FRK: variants seen among roughly 807,000 people sequenced by gnomAD.
The protein encoded by FRK is fyn related Src family tyrosine kinase, also known as tyrosine-protein kinase FRK.
Under a neutral mutation model 56.4 loss-of-function variants are expected in FRK, and 51 were observed. The ratio of observed to expected loss-of-function variants is 0.90; its 90% confidence interval spans 0.72 to 1.14. The LOEUF (loss-of-function observed/expected upper bound fraction) is 1.14. Among genes scored for constraint, FRK ranks in the 50% most tolerant of loss-of-function variants. The pLI, the probability that FRK is intolerant of heterozygous loss-of-function variation, is 0.00. For missense variants in FRK, 570 were observed against 601.4 expected (o/e 0.95, Z 0.55); for synonymous variants, 245 against 217.9 (o/e 1.12, Z -1.10).
chr6:116,062,893 T>C (rs907048363), upstream of FRK, among the ~76,000 whole-genome samples: 1 of 152,158 alleles, frequency 6.6e-6, no homozygotes, highest in African/African-American at 2.4e-5. Flanking sequence ...TTCCACAAAC[T>C]TTTTTTAAAG....
intron 1 of FRK, chr6:116,039,395 C>A (rs1327605784): frequency 6.4e-7 from 1 of 1,566,278 alleles, no homozygotes; most frequent in African/African-American, 1.4e-5. Context: ...ATGGGGGCAA[C>A]CTGCAAGGAG....
chr6:116,082,108 G>A, the FRK span, among the ~76,000 whole-genome samples: 3 of 152,148 alleles, frequency 2.0e-5, no homozygotes, highest in African/African-American at 7.2e-5. Flanking sequence ...ATTCTAGGCA[G>A]AGTGATAAAC....
rs748652398 is a variant in FRK at position 116,003,870 on chromosome 6, C to T, written c.466+7G>A. On this transcript the variant is annotated splice_region_variant and intron_variant, in intron 2 of 7. Transcript: ENST00000606080. Reference sequence around the variant, plus strand: ...TCATATTGAATGACACAAAACAATACCCTTACCTGAAAGAGAGAATTCTCC... The same window carrying T: ...TCATATTGAATGACACAAAACAATATCCTTACCTGAAAGAGAGAATTCTCC... 6.2e-7 allele frequency: 1 copy of T among 1,613,108 alleles called. No individual in the cohort carries two copies. Among genetic ancestry groups the T allele is most frequent in the African/African-American group, 1.3e-5 (1 of 74,872 alleles).
At chr6:115,948,212 G>A (rs768972186) in intron 5 of FRK, among the ~76,000 whole-genome samples, 10 of 152,158 alleles carry the variant, frequency 6.6e-5, no homozygotes, top group Non-Finnish European at 1.3e-4. Flanking sequence ...GGAGCAAAGG[G>A]CATCTTGCAG....
At position 115,937,326 on chromosome 6, in the gene FRK, G is replaced by A. The variant is rs1772069326; in HGVS notation, c.*5088C>T. The A allele has an allele frequency of 6.6e-6, 1 of 152,160 alleles. No individual in the cohort carries two copies. The highest frequency in any genetic ancestry group is 2.1e-4 in the South Asian group (1 of 4,824). 9.4% of individuals were successfully genotyped at this position (152,160 alleles called of 1,614,324 possible). On this transcript the variant is annotated 3_prime_UTR_variant, in exon 8 of 8. Coordinates refer to ENST00000606080, the MANE Select transcript of FRK (RefSeq NM_002031.3). ...TGCCCTAAAAGAGCTCCTGAAGGAA[G>A]CACTAAACATAGAGAGGAACAATCA...
At chr6:116,087,760 G>C in the FRK span, among the ~76,000 whole-genome samples, 1 of 152,330 alleles carries the variant, frequency 6.6e-6, no homozygotes, top group Non-Finnish European at 1.5e-5. Context: ...GCTTTTACAA[G>C]AATGGCCACT....
At chr6:116,097,083 G>A in the FRK span, among the ~76,000 whole-genome samples, 2 of 152,048 alleles carry the variant, frequency 1.3e-5, no homozygotes, top group African/African-American at 4.8e-5. Context: ...AAAATCAAGA[G>A]AGTAGAAAAT....
chr6:115,958,711 GAAAGAAAGA>G lies in FRK; in HGVS notation c.800-2110_800-2102del, dbSNP rs1562257476. On this transcript the variant is annotated intron_variant, in intron 4 of 7. Transcript: ENST00000606080. ...AAGAAAGAAAGAAAGAAAGAAGAAA[GAAAGAAAGA>G]AAGAAAGAAAGAAAGAAAGAAAGAA... Among the ~76,000 whole-genome samples the G allele has an allele frequency of 8.5e-4, 8 of 9,456 alleles. 1 individual carries two copies. Among genetic ancestry groups the G allele is most frequent in the African/African-American group, 3.0e-3 (8 of 2,696 alleles). The allele number at this position is 9,456 out of a possible 152,430, so 6.2% of individuals were successfully genotyped here. A position where few individuals can be genotyped will look rare whatever the true frequency, so the allele number is the denominator to read the frequency against.
At position 115,940,880 on chromosome 6, in the gene FRK, T is replaced by C. The variant is rs1772145819; in HGVS notation, c.*1534A>G. 1 of 152,130 alleles carries C rather than the reference T, an allele frequency of 6.6e-6. No individual in the cohort carries two copies. The highest frequency in any genetic ancestry group is 6.6e-5 in the Admixed American group (1 of 15,262). The allele number at this position is 152,130 out of a possible 1,614,324, so 9.4% of individuals were successfully genotyped here. A position where few individuals can be genotyped will look rare whatever the true frequency, so the allele number is the denominator to read the frequency against. On this transcript the variant is annotated 3_prime_UTR_variant, in exon 8 of 8. Coordinates refer to ENST00000606080, the MANE Select transcript of FRK (RefSeq NM_002031.3). ...GGATGTGGAGAAATAGGAACACATT[T>C]ACACTTTTACTCTGTTGGTGGGAGT...
intron 1 of FRK, among the ~76,000 whole-genome samples, chr6:116,007,214 T>C: frequency 6.6e-6 from 1 of 152,234 alleles, no homozygotes; most frequent in African/African-American, 2.4e-5. Flanking sequence ...TTGCTCTCCA[T>C]CTTTGCTAGC....
At chr6:115,958,063 C>T (rs561801395) in intron 4 of FRK, among the ~76,000 whole-genome samples, 18 of 152,152 alleles carry the variant, frequency 1.2e-4, no homozygotes, top group African/African-American at 3.9e-4. Context: ...AGAAAATGGC[C>T]GATTCTCTTT....
chr6:116,096,497 A>C, the FRK span, among the ~76,000 whole-genome samples: 2 of 152,224 alleles, frequency 1.3e-5, no homozygotes, highest in Non-Finnish European at 2.9e-5. Flanking sequence ...TAAACACGCC[A>C]ATCAGCACTC....
In FRK at chr6:115,968,675, G is replaced by T; in HGVS notation, c.531C>A (p.Leu177=). 6.2e-7 allele frequency: 1 copy of T among 1,613,770 alleles called. No homozygotes were observed. Among genetic ancestry groups the T allele is most frequent in the Non-Finnish European group, 8.5e-7 (1 of 1,179,790 alleles). The change falls in exon 3 of 8, where the codon CTC becomes CTA. Residue 177 remains leucine, a synonymous_variant. Transcript: ENST00000606080. The part of the protein sequence containing the change: ...IKRLDEGGFF[L]TRRRIFSTLN... ...GTGTTGAAAAGATTCTTCTTCGCGT[G>T]AGAAAAAATCCCCCTTCATCCAGTC... is the stretch of plus-strand genomic sequence containing the variant.
Position 115,974,101 on chromosome 6 carries a change from C to T in FRK, c.467-5362G>A, listed in dbSNP as rs1038278154. ...TGAGATGTCTAGCAAGCCAATAGGT[C>T]TGTAATTGGAAATGATGGGAAGCAA... On this transcript the variant is annotated intron_variant, in intron 2 of 7. Coordinates refer to ENST00000606080, the MANE Select transcript of FRK (RefSeq NM_002031.3). Among the ~76,000 whole-genome samples the T allele has an allele frequency of 5.3e-5, 8 of 152,166 alleles. 1 individual carries two copies. The highest frequency in any genetic ancestry group is 3.9e-4 in the Admixed American group (6 of 15,280).
At chr6:116,080,704 C>T in the FRK span, among the ~76,000 whole-genome samples, 20 of 152,170 alleles carry the variant, frequency 1.3e-4, no homozygotes, top group Admixed American at 3.3e-4. Flanking sequence ...GAGATATGAA[C>T]AGACAATTCA....
the FRK span, among the ~76,000 whole-genome samples, chr6:116,086,554 G>T: frequency 6.6e-6 from 1 of 152,216 alleles, no homozygotes; most frequent in East Asian, 1.9e-4. Context: ...AAAAGTAGTA[G>T]CTCATGCACT....
intron 1 of FRK, 36 bp from the exon 2 acceptor site, chr6:116,004,034 T>A (rs774047136): frequency 2.5e-6 from 4 of 1,582,316 alleles, no homozygotes; most frequent in Non-Finnish European, 2.6e-6. Flanking sequence ...AAGTAACCAA[T>A]TAACATTCAT....
At chr6:115,979,476 AT>A (rs1261270119) in intron 2 of FRK, among the ~76,000 whole-genome samples, 9 of 152,190 alleles carry the variant, frequency 5.9e-5, no homozygotes, top group African/African-American at 2.2e-4. Context: ...AAATTAAAAA[AT>A]GTATAATGTA....
intron 1 of FRK, among the ~76,000 whole-genome samples, chr6:116,056,200 G>GTTTT (rs540554217): frequency 7.5e-6 from 1 of 132,738 alleles, no homozygotes; most frequent in Non-Finnish European, 1.6e-5. Flanking sequence ...TGTTCATTTG[G>GTTTT]TTTTTTTTTT....
Sources: allele counts gnomAD v4.1 joint callset (sites outside exome capture counted in the v4.1 genomes callset), GRCh38; gene constraint gnomAD v4.1.1; transcripts MANE v1.5; gene names NCBI Gene and HGNC (gene_info 2026-07-23, HGNC 2026-07-21).